Variants in GLRA3 observed in about 807,000 individuals in gnomAD.
The protein encoded by GLRA3 is glycine receptor alpha 3.
Under a neutral mutation model 60.4 loss-of-function variants are expected in GLRA3, and 44 were observed. That is an observed-to-expected ratio of 0.73 (90% CI 0.57 to 0.94). The LOEUF (loss-of-function observed/expected upper bound fraction) is 0.94, where lower values mean the gene tolerates loss of function less well. Ranked by LOEUF, GLRA3 falls within the 40% of genes least tolerant of loss-of-function variation. The probability of loss-of-function intolerance (pLI) is 0.00; values close to 1 mark genes in which losing one functional copy is unlikely to be tolerated. For missense variants in GLRA3, 508 were observed against 564.6 expected (o/e 0.90, Z 1.02); for synonymous variants, 223 against 192.9 (o/e 1.16, Z -1.29).
chr4:174,644,080 G>A lies in GLRA3; in HGVS notation c.1117-16C>T, dbSNP rs1732719001. 4.0e-6 allele frequency: 6 copies of A among 1,517,386 alleles called. No homozygotes were observed. In the South Asian group the frequency reaches 6.9e-5, roughly 17 times the overall value. 94.0% of individuals were successfully genotyped at this position (1,517,386 alleles called of 1,614,324 possible). On this transcript the variant is annotated splice_polypyrimidine_tract_variant and intron_variant, in intron 9 of 9. Transcript: ENST00000274093. ...CCTCATCATCCTGTCAAAGAAAAAT[G>A]TGACAAGGCCCTTTAATAATACAAT...
intron 7 of GLRA3, among the ~76,000 whole-genome samples, chr4:174,676,097 G>A (rs569689512): frequency 2.6e-5 from 4 of 152,200 alleles, no homozygotes; most frequent in South Asian, 2.1e-4. Flanking sequence ...CTTCTTAGAC[G>A]TCATTTTAGG....
At chr4:174,727,384 A>C (rs1423909915) in intron 4 of GLRA3, among the ~76,000 whole-genome samples, 1 of 152,196 alleles carries the variant, frequency 6.6e-6, no homozygotes, top group Admixed American at 6.5e-5. Context: ...TAAGAGAGAG[A>C]TAAAACAGAA....
At chr4:174,662,190 T>A (rs1733473484) in intron 7 of GLRA3, among the ~76,000 whole-genome samples, 1 of 152,084 alleles carries the variant, frequency 6.6e-6, no homozygotes, top group Non-Finnish European at 1.5e-5. Context: ...GAGCATGAGA[T>A]AATTCATTTT....
chr4:174,789,665 T>C (rs1272356337), intron 1 of GLRA3, among the ~76,000 whole-genome samples: 1 of 152,184 alleles, frequency 6.6e-6, no homozygotes, highest in Non-Finnish European at 1.5e-5. Context: ...CAGCCACTTA[T>C]CCTAGAAACC....
chr4:174,717,842 A>G (rs1248792058), intron 4 of GLRA3, among the ~76,000 whole-genome samples: 1 of 152,236 alleles, frequency 6.6e-6, no homozygotes, highest in East Asian at 1.9e-4. Flanking sequence ...TTTTGAATGT[A>G]CACACATTAA....
chr4:174,790,517 C>T, intron 1 of GLRA3, among the ~76,000 whole-genome samples: 1 of 69,862 alleles, frequency 1.4e-5, no homozygotes, highest in East Asian at 0.015. Context: ...GGAAAAGCAT[C>T]GTTGGATTTT....
chr4:174,680,698 T>C (rs1401936501), intron 6 of GLRA3, among the ~76,000 whole-genome samples: 1 of 152,120 alleles, frequency 6.6e-6, no homozygotes, highest in Non-Finnish European at 1.5e-5. Flanking sequence ...AGGAGACAGA[T>C]CATAGGATGC....
intron 3 of GLRA3, 144 bp downstream of exon 3, chr4:174,766,819 G>A (rs1011268474): frequency 4.1e-5 from 21 of 516,494 alleles, no homozygotes; most frequent in African/African-American, 3.9e-4. Context: ...ATTACCTGCA[G>A]GTGACTGTAA....
At chr4:174,742,452 G>T (rs1232336242) in intron 3 of GLRA3, among the ~76,000 whole-genome samples, 2 of 152,182 alleles carry the variant, frequency 1.3e-5, no homozygotes, top group African/African-American at 4.8e-5. Flanking sequence ...ATAAGAAAGA[G>T]AAACTCCAGA....
chr4:174,711,962 C>G (rs1735734827), intron 5 of GLRA3, among the ~76,000 whole-genome samples: 1 of 151,996 alleles, frequency 6.6e-6, no homozygotes, highest in South Asian at 2.1e-4. Flanking sequence ...TTGAGAATCT[C>G]TTTTTTTCTA....
At chr4:174,727,431 C>T (rs1736371825) in intron 4 of GLRA3, among the ~76,000 whole-genome samples, 1 of 152,068 alleles carries the variant, frequency 6.6e-6, no homozygotes, top group Non-Finnish European at 1.5e-5. Flanking sequence ...AATATTAAGC[C>T]TACCTTGATA....
chr4:174,651,860 G>C (rs1313899863), intron 9 of GLRA3, among the ~76,000 whole-genome samples: 1 of 152,076 alleles, frequency 6.6e-6, no homozygotes, highest in East Asian at 1.9e-4. Context: ...ATGTGCCCAT[G>C]AGATGAGGCA....
At chr4:174,703,394 T>C (rs1355304992) in intron 5 of GLRA3, among the ~76,000 whole-genome samples, 1 of 152,134 alleles carries the variant, frequency 6.6e-6, no homozygotes, top group East Asian at 1.9e-4. Flanking sequence ...CATTTATTAA[T>C]GTAAATGCTT....
At chr4:174,689,185 C>A (rs895221693) in intron 5 of GLRA3, among the ~76,000 whole-genome samples, 1 of 151,992 alleles carries the variant, frequency 6.6e-6, no homozygotes, top group African/African-American at 2.4e-5. Flanking sequence ...TAAAATAAAA[C>A]AATAAGAAGC....
At chr4:174,762,845 A>G (rs28668258) in intron 3 of GLRA3, among the ~76,000 whole-genome samples, 12,065 of 152,116 alleles carry the variant, frequency 0.079, 839 homozygotes, top group East Asian at 0.38. Flanking sequence ...AAATAGAACA[A>G]TTTTGGTACC....
intron 5 of GLRA3, among the ~76,000 whole-genome samples, chr4:174,686,607 G>C (rs1301939782): frequency 6.6e-6 from 1 of 152,136 alleles, no homozygotes; most frequent in African/African-American, 2.4e-5. Flanking sequence ...TATTATTGCC[G>C]AGTAAAGAGT....
chr4:174,730,689 A>C (rs1736516746), intron 3 of GLRA3, among the ~76,000 whole-genome samples: 1 of 152,178 alleles, frequency 6.6e-6, no homozygotes, highest in Admixed American at 6.5e-5. Flanking sequence ...TTTTGCTCCA[A>C]ATATGTGCTA....
intron 6 of GLRA3, among the ~76,000 whole-genome samples, chr4:174,681,637 A>G (rs1026743160): frequency 2.0e-5 from 3 of 152,140 alleles, no homozygotes; most frequent in Non-Finnish European, 2.9e-5. Context: ...CTTTGAGGGA[A>G]AGCACGGCCC....
At chr4:174,661,760 C>A (rs1733451310) in intron 7 of GLRA3, among the ~76,000 whole-genome samples, 1 of 152,130 alleles carries the variant, frequency 6.6e-6, no homozygotes, top group Admixed American at 6.5e-5. Flanking sequence ...ACCTGCTCAG[C>A]TATGGCCCTA....
Sources: allele counts gnomAD v4.1 joint callset (sites outside exome capture counted in the v4.1 genomes callset), GRCh38; gene constraint gnomAD v4.1.1; transcripts MANE v1.5; gene names NCBI Gene and HGNC (gene_info 2026-07-23, HGNC 2026-07-21).